The following CNTN3 variants were observed in gnomAD, a reference collection of about 807,000 sequenced individuals.
CNTN3 encodes contactin 3.
A neutral mutation model predicts 119.1 loss-of-function variants in CNTN3; 60 were observed. The observed-to-expected ratio is 0.50, with a 90% CI of 0.41 to 0.62. The LOEUF (loss-of-function observed/expected upper bound fraction) is 0.62. Among genes scored for constraint, CNTN3 ranks in the 20% least tolerant of loss-of-function variants. The pLI is 0.00. For missense variants in CNTN3, 1,101 were observed against 1,242.4 expected (o/e 0.89, Z 1.71); for synonymous variants, 450 against 438.7 (o/e 1.03, Z -0.32).
In CNTN3 at chr3:74,299,997, A is replaced by C. The variant is rs1702421958; in HGVS notation, c.2096-59T>G. 4.6e-6 allele frequency: 5 copies of C among 1,076,174 alleles called. No homozygotes were observed. In the African/African-American group the frequency reaches 4.8e-5, roughly 10 times the overall value. 66.7% of individuals were successfully genotyped at this position (1,076,174 alleles called of 1,614,324 possible). On this transcript the variant is annotated intron_variant, in intron 16 of 22. Coordinates refer to ENST00000263665, the MANE Select transcript of CNTN3 (RefSeq NM_020872.3). ...ACTTGCATTTAGTAATATTTATCTA[A>C]AAGATAATGCAATGTTTTTTTAATA...
intron 12 of CNTN3, among the ~76,000 whole-genome samples, chr3:74,335,886 G>T (rs1223735957): frequency 6.6e-6 from 1 of 152,014 alleles, no homozygotes; most frequent in African/African-American, 2.4e-5. Context: ...GGTTTATTCT[G>T]ATCATCCTGT....
chr3:74,587,585 G>A (rs1222493275), intron 1 of CNTN3, among the ~76,000 whole-genome samples: 1 of 152,012 alleles, frequency 6.6e-6, no homozygotes, highest in African/African-American at 2.4e-5. Context: ...GTGATTTTGA[G>A]GACTTAACCT....
intron 13 of CNTN3, among the ~76,000 whole-genome samples, chr3:74,319,534 T>C (rs1372634347): frequency 6.6e-6 from 1 of 152,132 alleles, no homozygotes; most frequent in African/African-American, 2.4e-5. Context: ...ATTAAAGACT[T>C]ACATGTTAGA....
At chr3:74,316,167 T>C (rs1702825617) in intron 13 of CNTN3, among the ~76,000 whole-genome samples, 1 of 152,052 alleles carries the variant, frequency 6.6e-6, no homozygotes, top group Non-Finnish European at 1.5e-5. Flanking sequence ...TGATAGGAAG[T>C]GGGCAAATGA....
At chr3:74,609,125 G>A (rs1047253693) in intron 1 of CNTN3, among the ~76,000 whole-genome samples, 9 of 152,208 alleles carry the variant, frequency 5.9e-5, no homozygotes, top group African/African-American at 2.2e-4. Flanking sequence ...GCAGGGCCAT[G>A]TTGAGTTTTC....
At chr3:74,420,837 C>T (rs1422880018) in intron 5 of CNTN3, among the ~76,000 whole-genome samples, 1 of 152,184 alleles carries the variant, frequency 6.6e-6, no homozygotes, top group African/African-American at 2.4e-5. Flanking sequence ...CTCTCTGAGG[C>T]ACACTTTGCA....
intron 1 of CNTN3, among the ~76,000 whole-genome samples, chr3:74,613,511 G>A (rs879560489): frequency 6.6e-6 from 1 of 151,970 alleles, no homozygotes; most frequent in Non-Finnish European, 1.5e-5. Flanking sequence ...TGTCCTTACC[G>A]TAGCGGACAC....
In CNTN3 at chr3:74,370,004, A is replaced by G. The variant is rs1346072002; in HGVS notation, c.659-13T>C. ...TCACCCATCACACCTATAAATCCAC[A>G]ATATAAAGTTAATCGTTTCAATATT... On this transcript the variant is annotated splice_polypyrimidine_tract_variant and intron_variant, in intron 6 of 22. Coordinates refer to ENST00000263665, the MANE Select transcript of CNTN3 (RefSeq NM_020872.3). 7 of 1,374,976 alleles carry G rather than the reference A, an allele frequency of 5.1e-6. No individual in the cohort carries two copies. In the South Asian group the frequency reaches 6.2e-5, roughly 12 times the overall value. The allele number at this position is 1,374,976 out of a possible 1,614,324, so 85.2% of individuals were successfully genotyped here.
chr3:74,533,695 G>T (rs2107138479), intron 1 of CNTN3, among the ~76,000 whole-genome samples: 1 of 152,044 alleles, frequency 6.6e-6, no homozygotes, highest in South Asian at 2.1e-4. Flanking sequence ...TTACCCTAAG[G>T]CTTGGGAAGA....
intron 13 of CNTN3, among the ~76,000 whole-genome samples, chr3:74,307,565 T>C (rs1275795524): frequency 2.0e-5 from 3 of 152,144 alleles, no homozygotes; most frequent in South Asian, 4.1e-4. Flanking sequence ...ATGACACTAA[T>C]GGAATTTTTG....
At position 74,301,483 on chromosome 3, in the gene CNTN3, T is replaced by C. The variant is rs1424204333; in HGVS notation, c.2010A>G (p.Glu670=). ...TACTGGCTACAACCCGAAATTCATA[T>C]TCCACCCATGGGTTTAACTCAACTA... is the stretch of plus-strand genomic sequence containing the variant. The part of the protein sequence containing the change: ...ATVVELNPWV[E]YEFRVVASNK... Residue 670 remains glutamate (E), a synonymous_variant, in exon 16 of 23, where the codon GAA becomes GAG. Transcript: ENST00000263665. 1 of 1,614,156 alleles carries C rather than the reference T, an allele frequency of 6.2e-7. No individual in the cohort carries two copies. The highest frequency in any genetic ancestry group is 1.7e-5 in the Admixed American group (1 of 60,010).
At chr3:74,413,388 C>A (rs1701469668) in intron 5 of CNTN3, among the ~76,000 whole-genome samples, 2 of 152,094 alleles carry the variant, frequency 1.3e-5, no homozygotes, top group African/African-American at 4.8e-5. Flanking sequence ...TGAAAAATAT[C>A]TCCATGTGTT....
chr3:74,595,487 C>T (rs569385376), intron 1 of CNTN3, among the ~76,000 whole-genome samples: 3 of 151,832 alleles, frequency 2.0e-5, no homozygotes, highest in South Asian at 4.2e-4. Flanking sequence ...GTAAGGAAAC[C>T]ACCATGATCA....
At chr3:74,429,534 T>C (rs186269517) in intron 4 of CNTN3, among the ~76,000 whole-genome samples, 1 of 152,296 alleles carries the variant, frequency 6.6e-6, no homozygotes, top group East Asian at 1.9e-4. Context: ...ATAGAACTTT[T>C]ATTTAAAAAA....
At chr3:74,526,433 T>C (rs910452134) in intron 1 of CNTN3, among the ~76,000 whole-genome samples, 7 of 151,836 alleles carry the variant, frequency 4.6e-5, no homozygotes, top group Non-Finnish European at 8.8e-5. Context: ...TCAGAAATCA[T>C]GCATCACATA....
intron 5 of CNTN3, among the ~76,000 whole-genome samples, chr3:74,393,093 G>T (rs1026542676): frequency 2.0e-5 from 3 of 152,120 alleles, no homozygotes; most frequent in African/African-American, 7.2e-5. Context: ...TCCATGAAGT[G>T]CATCTGCCAT....
At chr3:74,511,651 G>GA (rs1165590078) in intron 2 of CNTN3, among the ~76,000 whole-genome samples, 1 of 152,056 alleles carries the variant, frequency 6.6e-6, no homozygotes, top group African/African-American at 2.4e-5. Flanking sequence ...CTTGGGTGAT[G>GA]AAGTGAGACC....
intron 1 of CNTN3, among the ~76,000 whole-genome samples, chr3:74,581,188 A>G (rs559652051): frequency 6.6e-6 from 1 of 152,328 alleles, no homozygotes; most frequent in East Asian, 1.9e-4. Context: ...AAGAAATGTA[A>G]AACTGTCACA....
Position 74,298,023 on chromosome 3 carries a change from C to A in CNTN3, c.2335G>T (p.Gly779Cys), listed in dbSNP as rs1052357593. The change falls in exon 18 of 23, where the codon GGT (glycine) becomes TGT (cysteine). Residue 779 changes from glycine to cysteine, a missense_variant. By Grantham distance (159) the Gly-to-Cys change is radical. Transcript: ENST00000263665. ...VPYSPYEVKV[G>C]VYNNKGEGPF... ...CCTTCACCTTTGTTATTATAAACACCCACTTTAACTTCATATGGTGAATAT... is the reference window on the plus strand; with the variant it reads ...CCTTCACCTTTGTTATTATAAACACACACTTTAACTTCATATGGTGAATAT... 39 of 1,613,996 alleles carry A rather than the reference C, an allele frequency of 2.4e-5. No individual in the cohort carries two copies. The highest frequency in any genetic ancestry group is 3.3e-5 in the Non-Finnish European group (39 of 1,179,962).
Sources: allele counts gnomAD v4.1 joint callset (sites outside exome capture counted in the v4.1 genomes callset), GRCh38; gene constraint gnomAD v4.1.1; transcripts MANE v1.5; gene names NCBI Gene and HGNC (gene_info 2026-07-23, HGNC 2026-07-21).